ROBO2: variants seen among roughly 807,000 people sequenced by gnomAD.
ROBO2 encodes roundabout guidance receptor 2.
Under a neutral mutation model 160.8 loss-of-function variants are expected in ROBO2, and 53 were observed. That is an observed-to-expected ratio of 0.33 (90% CI 0.26 to 0.41). The LOEUF is 0.41. Among genes scored for constraint, ROBO2 ranks in the 10% least tolerant of loss-of-function variants. The probability of loss-of-function intolerance (pLI) is 1.00; values close to 1 mark genes in which losing one functional copy is unlikely to be tolerated. For missense variants in ROBO2, 1,577 were observed against 1,722.4 expected, an observed-to-expected ratio of 0.92 and a Z score of 1.49; for synonymous variants, 664 against 611.7, an observed-to-expected ratio of 1.09 and a Z score of -1.26.
At chr3:77,049,678 G>T (rs1010271613) in intron 1 of ROBO2, among the ~76,000 whole-genome samples, 2 of 152,152 alleles carry the variant, frequency 1.3e-5, no homozygotes, top group Non-Finnish European at 2.9e-5. Flanking sequence ...AGGAGAGGGG[G>T]TTAACAGCCA....
chr3:77,022,347 G>A (rs887365746), intron 2 of ROBO2, among the ~76,000 whole-genome samples: 7 of 152,194 alleles, frequency 4.6e-5, no homozygotes. Context: ...TCCAGCCTGG[G>A]TGACAGAGTG....
At chr3:77,317,894 G>T (rs2064223922) in intron 2 of ROBO2, among the ~76,000 whole-genome samples, 1 of 72,244 alleles carries the variant, frequency 1.4e-5, no homozygotes, top group Non-Finnish European at 2.7e-5. Flanking sequence ...CTGGGGGGCT[G>T]CTAGGGGCGC....
At chr3:77,634,924 A>T (rs1386444543) in exon 24 of ROBO2, 1 of 1,614,018 alleles carries the variant, frequency 6.2e-7, no homozygotes, top group African/African-American at 1.3e-5. Context: ...TTTTCTACTG[A>T]CAGTAACACC....
chr3:76,239,372 A>ATG (rs1553685690), intron 2 of ROBO2, among the ~76,000 whole-genome samples: 1 of 151,190 alleles, frequency 6.6e-6, no homozygotes, highest in Non-Finnish European at 1.5e-5. Flanking sequence ...ATATATATAT[A>ATG]TGTACATATA....
intron 2 of ROBO2, among the ~76,000 whole-genome samples, chr3:76,087,682 T>C (rs995004850): frequency 6.6e-6 from 1 of 152,048 alleles, no homozygotes; most frequent in African/African-American, 2.4e-5. Context: ...CAATAATGAA[T>C]TAGATTGTTT....
At chr3:76,780,006 T>A (rs2062528502) in intron 2 of ROBO2, among the ~76,000 whole-genome samples, 1 of 150,962 alleles carries the variant, frequency 6.6e-6, no homozygotes, top group Non-Finnish European at 1.5e-5. Flanking sequence ...CCAATTTTTG[T>A]TCCCACCAAC....
At chr3:76,981,708 A>C (rs1175069239) in intron 2 of ROBO2, among the ~76,000 whole-genome samples, 1 of 152,176 alleles carries the variant, frequency 6.6e-6, no homozygotes, top group Non-Finnish European at 1.5e-5. Context: ...TAATTGGCTC[A>C]CTATTCTGTG....
Position 77,433,375 on chromosome 3 carries a change from G to C in ROBO2, c.389-44039G>C, listed in dbSNP as rs144268333. Among the ~76,000 whole-genome samples, 468 of 150,944 alleles carry C rather than the reference G, an allele frequency of 3.1e-3. 4 individuals are homozygous for C. The highest frequency in any genetic ancestry group is 0.011 in the African/African-American group (445 of 41,094). On this transcript the variant is annotated intron_variant, in intron 2 of 25. Coordinates refer to ENST00000461745, the Ensembl canonical transcript of ROBO2. ...TCTGTATTGTGTTCTATTATTCTAT[G>C]TTATGCTGTCAGTATCACTCCTAGA...
chr3:76,346,701 G>A (rs562727565), intron 2 of ROBO2, among the ~76,000 whole-genome samples: 4 of 152,054 alleles, frequency 2.6e-5, no homozygotes, highest in East Asian at 1.9e-4. Flanking sequence ...TGTCGATAAC[G>A]TTTTCCAGTC....
intron 2 of ROBO2, among the ~76,000 whole-genome samples, chr3:76,180,754 A>G (rs1156571690): frequency 2.6e-5 from 4 of 152,172 alleles, no homozygotes; most frequent in Non-Finnish European, 4.4e-5. Flanking sequence ...TATATTTTAA[A>G]AGCATGAATC....
intron 2 of ROBO2, among the ~76,000 whole-genome samples, chr3:76,204,780 C>T (rs1157677174): frequency 6.6e-6 from 1 of 152,000 alleles, no homozygotes; most frequent in Non-Finnish European, 1.5e-5. Context: ...CATTATGTGC[C>T]AGAGAATCAC....
At chr3:76,270,716 AAAAG>A (rs1270500297) in intron 2 of ROBO2, among the ~76,000 whole-genome samples, 1 of 152,110 alleles carries the variant, frequency 6.6e-6, no homozygotes, top group Non-Finnish European at 1.5e-5. Flanking sequence ...TAAAAATACA[AAAAG>A]AAAGAAGGAA....
intron 2 of ROBO2, among the ~76,000 whole-genome samples, chr3:76,560,227 C>G (rs1407225693): frequency 6.6e-6 from 1 of 151,948 alleles, no homozygotes; most frequent in Non-Finnish European, 1.5e-5. Flanking sequence ...TCTAAATTAC[C>G]ACGTCTGGAC....
chr3:76,659,646 G>C (rs2091735437), intron 2 of ROBO2, among the ~76,000 whole-genome samples: 1 of 152,108 alleles, frequency 6.6e-6, no homozygotes, highest in Admixed American at 6.6e-5. Flanking sequence ...CTACGACTTA[G>C]ATGTTAAAAT....
At chr3:76,524,400 A>G (rs2081814196) in intron 2 of ROBO2, among the ~76,000 whole-genome samples, 1 of 151,986 alleles carries the variant, frequency 6.6e-6, no homozygotes, top group Non-Finnish European at 1.5e-5. Context: ...GGTATTTGAT[A>G]TATGCCCTAT....
intron 2 of ROBO2, among the ~76,000 whole-genome samples, chr3:77,123,720 G>A (rs2075006650): frequency 7.4e-6 from 1 of 134,920 alleles, no homozygotes; most frequent in South Asian, 2.5e-4. Flanking sequence ...TAGATATATA[G>A]ATAATCTATA....
intron 2 of ROBO2, among the ~76,000 whole-genome samples, chr3:77,221,472 T>G (rs115080240): frequency 1.1e-3 from 171 of 152,320 alleles, no homozygotes; most frequent in African/African-American, 3.9e-3. Flanking sequence ...ATATTGGGAT[T>G]CAGGCTCAAT....
At chr3:76,033,476 C>T (rs1026443811) in intron 2 of ROBO2, among the ~76,000 whole-genome samples, 8 of 152,174 alleles carry the variant, frequency 5.3e-5, no homozygotes, top group Non-Finnish European at 7.4e-5. Context: ...GTCCCACATG[C>T]TGTGCCATTT....
chr3:77,127,035 C>T (rs1055326012), intron 2 of ROBO2, among the ~76,000 whole-genome samples: 5 of 151,206 alleles, frequency 3.3e-5, no homozygotes, highest in South Asian at 4.2e-4. Context: ...ATGATCCGCC[C>T]GCCTTGGCCT....
Sources: allele counts gnomAD v4.1 joint callset (sites outside exome capture counted in the v4.1 genomes callset), GRCh38; gene constraint gnomAD v4.1.1; transcripts MANE v1.5; gene names NCBI Gene and HGNC (gene_info 2026-07-23, HGNC 2026-07-21).